Variants in MCCC1 observed in about 807,000 individuals in gnomAD.
MCCC1 encodes the protein methylcrotonoyl-CoA carboxylase subunit alpha, mitochondrial.
In MCCC1, 64 loss-of-function variants were observed where a neutral mutation model predicts 83.8. That is an observed-to-expected ratio of 0.76 (90% CI 0.62 to 0.94). The LOEUF (loss-of-function observed/expected upper bound fraction) is 0.94. MCCC1 is among the 40% of genes least tolerant of loss of function. The pLI, the probability that MCCC1 is intolerant of heterozygous loss-of-function variation, is 0.00. For synonymous variants in MCCC1, 322 were observed against 315.4 expected (o/e 1.02, Z -0.22); for missense variants, 807 against 904.7 (o/e 0.89, Z 1.39).
chr3:183,073,338 G>C (rs1289668914), intron 4 of MCCC1, among the ~76,000 whole-genome samples: 2 of 152,098 alleles, frequency 1.3e-5, no homozygotes, highest in Non-Finnish European at 2.9e-5. Flanking sequence ...TGTAAAACTG[G>C]CCTAGAATTG....
At chr3:183,102,859 T>C (rs751878078), upstream of MCCC1, among the ~76,000 whole-genome samples, 4 of 131,768 alleles carry the variant, frequency 3.0e-5, no homozygotes, top group Non-Finnish European at 4.7e-5. Context: ...TGATCTCGGC[T>C]CACTGCAACC....
upstream of MCCC1, among the ~76,000 whole-genome samples, chr3:183,103,394 T>C (rs1719351177): frequency 1.3e-5 from 2 of 152,146 alleles, no homozygotes; most frequent in Non-Finnish European, 2.9e-5. Flanking sequence ...GACAGGGCAC[T>C]GATTGGTGCG....
At chr3:183,113,079 C>A (rs1719526970) in intron 1 of MCCC1, among the ~76,000 whole-genome samples, 1 of 151,824 alleles carries the variant, frequency 6.6e-6, no homozygotes, top group Non-Finnish European at 1.5e-5. Flanking sequence ...CAAAAATTAG[C>A]TGGGCGTGGT....
intron 13 of MCCC1, among the ~76,000 whole-genome samples, chr3:183,034,513 T>G (rs980715195): frequency 3.9e-5 from 6 of 152,106 alleles, no homozygotes; most frequent in Admixed American, 3.9e-4. Context: ...ATGTGCTTTT[T>G]TTGTTCTTCT....
chr3:183,115,115 C>T (rs1482597455), intron 1 of MCCC1, among the ~76,000 whole-genome samples: 1 of 152,132 alleles, frequency 6.6e-6, no homozygotes, highest in African/African-American at 2.4e-5. Context: ...GATGCCGGCA[C>T]CCCTCTGACG....
At position 183,020,916 on chromosome 3, in the gene MCCC1, T is replaced by C. The variant is rs549138019; in HGVS notation, c.1870-679A>G. Among the ~76,000 whole-genome samples the C allele has an allele frequency of 3.0e-4, 46 of 151,652 alleles. No individual in the cohort carries two copies. In the South Asian group the frequency reaches 5.0e-3, roughly 16 times the overall value. On this transcript the variant is annotated intron_variant, in intron 16 of 18. Coordinates refer to ENST00000265594, the MANE Select transcript of MCCC1 (RefSeq NM_020166.5). ...CTACTAAAAAATACAAAAAATTAGCTGGGCATGGTGGCGGGCGCCTGCAGT... is the reference window on the plus strand; with the variant it reads ...CTACTAAAAAATACAAAAAATTAGCCGGGCATGGTGGCGGGCGCCTGCAGT...
chr3:183,078,028 T>C (rs990939627), intron 4 of MCCC1, among the ~76,000 whole-genome samples: 1 of 152,182 alleles, frequency 6.6e-6, no homozygotes, highest in African/African-American at 2.4e-5. Context: ...TAGCTTTATA[T>C]ATATATTTTG....
chr3:183,035,504 A>ATTTTTAT (rs1713496407), intron 13 of MCCC1, among the ~76,000 whole-genome samples: 1 of 140,420 alleles, frequency 7.1e-6, no homozygotes, highest in Admixed American at 7.1e-5. Context: ...TGAATTTCAG[A>ATTTTTAT]TTTTTTTTTT....
chr3:183,021,818 G>A (rs1217992361), intron 16 of MCCC1, among the ~76,000 whole-genome samples: 2 of 152,160 alleles, frequency 1.3e-5, no homozygotes, highest in Admixed American at 6.5e-5. Context: ...AGCACTGTGA[G>A]GCCACAGCAT....
chr3:183,060,610 A>G (rs1363433670), intron 7 of MCCC1, among the ~76,000 whole-genome samples: 1 of 152,136 alleles, frequency 6.6e-6, no homozygotes, highest in East Asian at 1.9e-4. Context: ...TTTCTAGGGT[A>G]CATGTGCACA....
In MCCC1 at chr3:183,041,537, A is replaced by G. The variant is rs1176628765; in HGVS notation, c.1267+30T>C. 3.7e-6 allele frequency: 6 copies of G among 1,613,040 alleles called. No individual in the cohort carries two copies. The Admixed American group carries it at 5.0e-5, about 13-fold the overall frequency. The stretch of plus-strand genomic sequence containing the variant: ...AATAATGTACTAAAAACTTAAAAAG[A>G]GTGAGACTTTTCATTTTCTTTCACT... On this transcript the variant is annotated intron_variant, in intron 11 of 18. Transcript: ENST00000265594.
intron 2 of MCCC1, among the ~76,000 whole-genome samples, chr3:183,094,083 C>G (rs1483614557): frequency 7.2e-6 from 1 of 139,494 alleles, no homozygotes; most frequent in East Asian, 2.1e-4. Context: ...AAGTCTTGCT[C>G]TGTCGCCCAG....
At chr3:183,073,950 G>A (rs979361322) in intron 4 of MCCC1, among the ~76,000 whole-genome samples, 6 of 152,226 alleles carry the variant, frequency 3.9e-5, no homozygotes, top group Admixed American at 6.5e-5. Context: ...GCTCCTGAGT[G>A]ACTAACAGAT....
intron 14 of MCCC1, among the ~76,000 whole-genome samples, chr3:183,026,293 G>C (rs1370796907): frequency 1.3e-5 from 2 of 152,102 alleles, no homozygotes; most frequent in African/African-American, 2.4e-5. Flanking sequence ...CCATCTGCCT[G>C]GGCCTCCCAA....
chr3:183,020,038 G>T, intron 17 of MCCC1, 92 bp downstream of exon 17: 2 of 979,382 alleles, frequency 2.0e-6, no homozygotes, highest in Non-Finnish European at 1.6e-6. Flanking sequence ...AATGAGCAAG[G>T]TTTAGAAAGG....
rs922206749 is a variant in MCCC1, at chr3:183,064,521, C to T, written c.761+6478G>A. 1.1e-4 allele frequency among the ~76,000 whole-genome samples: 17 copies of T among 152,278 alleles called. No homozygotes were observed. Among genetic ancestry groups the T allele is most frequent in the African/African-American group, 4.1e-4 (17 of 41,554 alleles). The stretch of plus-strand genomic sequence containing the variant: ...AAGCCCCGCGCCCCTGCCTGCACCC[C>T]GCGCGCCTGCTCATGGCACGCCACC... On this transcript the variant is annotated intron_variant, in intron 7 of 18. Coordinates refer to ENST00000265594, the MANE Select transcript of MCCC1 (RefSeq NM_020166.5). This position sits in a 1 kb window ranked among gnomAD's most constrained non-coding sequence, Gnocchi z 4.5.
At chr3:183,026,272 A>AAC (rs1712591725) in intron 14 of MCCC1, among the ~76,000 whole-genome samples, 1 of 152,038 alleles carries the variant, frequency 6.6e-6, no homozygotes, top group African/African-American at 2.4e-5. Context: ...GAACTCCTGG[A>AAC]CTCAAGTGAT....
rs1258718064 is a variant in MCCC1, at chr3:183,056,984, C to T, written c.873+327G>A. ...GGCTGGGACTACAGGCGTGAGCCAC[C>T]GCGCCTGGCCATTCATTACAATTTA... On this transcript the variant is annotated intron_variant, in intron 8 of 18. Transcript: ENST00000265594. Among the ~76,000 whole-genome samples, 7 of 152,308 alleles carry T rather than the reference C, an allele frequency of 4.6e-5. No individual in the cohort carries two copies. In the South Asian group the frequency reaches 1.0e-3, roughly 23 times the overall value.
intron 3 of MCCC1, among the ~76,000 whole-genome samples, chr3:183,091,573 A>AAAAAC (rs540422401): frequency 0.03 from 4,578 of 151,956 alleles, 235 homozygotes; most frequent in African/African-American, 0.1. Context: ...TGTCAAAAAC[A>AAAAAC]AAAACAAAAC....
Sources: gnomAD v4.1 joint callset for allele counts (sites outside exome capture counted in the v4.1 genomes callset) on GRCh38, gnomAD v4.1.1 for gene constraint, Gnocchi (gnomAD v3.1) non-coding constraint, MANE v1.5 for transcripts, NCBI Gene and HGNC (gene_info 2026-07-23, HGNC 2026-07-21) for gene names.